GLOD4: variants seen among roughly 807,000 people sequenced by gnomAD.
The protein encoded by GLOD4 is glyoxalase domain containing 4.
GLOD4 carries 44 observed loss-of-function variants against 39.1 expected under a neutral mutation model. The observed-to-expected ratio is 1.13, with a 90% confidence interval of 0.88 to 1.45. The LOEUF is 1.45. Among genes scored for constraint, GLOD4 ranks in the 40% most tolerant of loss-of-function variants. The probability of loss-of-function intolerance (pLI) is 0.00; values close to 1 mark genes in which losing one functional copy is unlikely to be tolerated. For missense variants in GLOD4, 405 were observed against 366.4 expected (o/e 1.11, Z -0.86); for synonymous variants, 145 against 135.0 (o/e 1.07, Z -0.52).
chr17:762,154 G>A (rs1905571645), intron 8 of GLOD4, among the ~76,000 whole-genome samples: 1 of 152,186 alleles, frequency 6.6e-6, no homozygotes, highest in Non-Finnish European at 1.5e-5. Context: ...ACATTTCAGA[G>A]GTAGAACTCA....
In GLOD4 at chr17:770,514, T is replaced by G; in HGVS notation, c.544-7A>C. On this transcript the variant is annotated splice_region_variant and splice_polypyrimidine_tract_variant and intron_variant, in intron 5 of 8. Coordinates refer to ENST00000301329, the MANE Select transcript of GLOD4 (RefSeq NM_016080.4). ...CCTGTAGCTCCAGCTTACACTGAAA[T>G]AGGAAAGGGGGTTATTTTTTGGAAC... The G allele has an allele frequency of 7.1e-7, 1 of 1,409,512 alleles. No homozygotes were observed. Among genetic ancestry groups the G allele is most frequent in the South Asian group, 1.1e-5 (1 of 87,120 alleles). 87.3% of individuals were successfully genotyped at this position (1,409,512 alleles called of 1,614,324 possible). A position where few individuals can be genotyped will look rare whatever the true frequency, so the allele number is the denominator to read the frequency against.
intron 2 of GLOD4, 164 bp downstream of exon 2, chr17:778,531 A>T (rs1909328520): frequency 3.0e-6 from 2 of 656,446 alleles, no homozygotes; most frequent in African/African-American, 1.8e-5. Flanking sequence ...TACTCATGAG[A>T]GTGCAGAGAA....
At chr17:770,363 C>A (rs1907732108) in intron 6 of GLOD4, 58 bp downstream of exon 6, 1 of 908,114 alleles carries the variant, frequency 1.1e-6, no homozygotes, top group Admixed American at 1.7e-5. Context: ...GGACAAAGTT[C>A]TTAGCTGGGT....
chr17:764,431 G>T (rs543809012), intron 8 of GLOD4: 1 of 152,324 alleles, frequency 6.6e-6, no homozygotes, highest in South Asian at 2.1e-4. Context: ...GACAAACGAT[G>T]GTCCGATCAC....
intron 5 of GLOD4, 178 bp downstream of exon 5, chr17:771,147 G>T: frequency 2.1e-6 from 1 of 473,544 alleles, no homozygotes; most frequent in East Asian, 3.6e-5. Flanking sequence ...GTAATATCTG[G>T]GTGGTAAGGT....
At position 765,006 on chromosome 17, in the gene GLOD4, C is replaced by CA. The variant is rs1199807153; in HGVS notation, c.832-4769dup. The CA allele has an allele frequency of 3.9e-4, 56 of 144,312 alleles. 7 individuals are homozygous for CA. The East Asian group carries it at 7.8e-3, about 20-fold the overall frequency. 8.9% of individuals were successfully genotyped at this position (144,312 alleles called of 1,614,324 possible). A position where few individuals can be genotyped will look rare whatever the true frequency, so the allele number is the denominator to read the frequency against. Reference sequence around the variant, plus strand: ...TGGGTGACAGAGCGAGACTCCGTCTCAAAAAAAAACAAAAAACAAAAAACA... The same window carrying CA: ...TGGGTGACAGAGCGAGACTCCGTCTCAAAAAAAAAACAAAAAACAAAAAACA... On this transcript the variant is annotated intron_variant, in intron 8 of 8. Transcript: ENST00000301329.
intron 1 of GLOD4, among the ~76,000 whole-genome samples, chr17:780,893 T>C (rs1036363485): frequency 1.3e-5 from 2 of 151,688 alleles, no homozygotes; most frequent in African/African-American, 4.8e-5. Flanking sequence ...TGTTAAATAC[T>C]ATACATATAA....
At position 781,991 on chromosome 17, in the gene GLOD4, A is replaced by G. The variant is rs902959972; in HGVS notation, c.90+175T>C. On this transcript the variant is annotated intron_variant, in intron 1 of 8. Transcript: ENST00000301329. ...CGTGTTAGGCCCTTCTCCAAGGCCT[A>G]TGATCCCCAACGGCAACTCGCCACG... 12 of 593,020 alleles carry G rather than the reference A, an allele frequency of 2.0e-5. No homozygotes were observed. In the African/African-American group the frequency reaches 2.2e-4, roughly 11 times the overall value. 36.7% of individuals were successfully genotyped at this position (593,020 alleles called of 1,614,324 possible). A position where few individuals can be genotyped will look rare whatever the true frequency, so the allele number is the denominator to read the frequency against.
At position 771,346 on chromosome 17, in the gene GLOD4, C is replaced by T; in HGVS notation, c.522G>A (p.Leu174=). 6.2e-7 allele frequency: 1 copy of T among 1,603,284 alleles called. No homozygotes were observed. Among genetic ancestry groups the T allele is most frequent in the Non-Finnish European group, 8.5e-7 (1 of 1,173,756 alleles). ...YEKDEEKQRA[L]LGYADNQCKL... Reference sequence around the variant, plus strand: ...TCACCTGGTTATCAGCATAGCCCAGCAAAGCCCTTTGCTTTTCTTCATCTT... The same window carrying T: ...TCACCTGGTTATCAGCATAGCCCAGTAAAGCCCTTTGCTTTTCTTCATCTT... Residue 174 remains leucine, a synonymous_variant, in exon 5 of 9, where the codon TTG becomes TTA. Coordinates refer to ENST00000301329, the MANE Select transcript of GLOD4 (RefSeq NM_016080.4).
chr17:761,285 G>GTT (rs942848384), intron 8 of GLOD4, among the ~76,000 whole-genome samples: 2 of 152,118 alleles, frequency 1.3e-5, no homozygotes, highest in African/African-American at 2.4e-5. Flanking sequence ...AAACAGTGAA[G>GTT]GTGAAAGTGG....
chr17:778,777 T>C (rs1909377860), intron 1 of GLOD4, 33 bp from the exon 2 acceptor site: 5 of 1,331,856 alleles, frequency 3.8e-6, no homozygotes, highest in Admixed American at 1.7e-5. Context: ...TTGTGAAGTG[T>C]TGCTAGTACT....
rs73285725 is a variant in GLOD4, at chr17:777,072, A to G, written c.141-84T>C. 17,388 of 1,296,320 alleles carry G rather than the reference A, an allele frequency of 0.013. 1,599 individuals carry two copies. In the African/African-American group the frequency reaches 0.21, roughly 16 times the overall value. The allele number at this position is 1,296,320 out of a possible 1,614,324, so 80.3% of individuals were successfully genotyped here. A position where few individuals can be genotyped will look rare whatever the true frequency, so the allele number is the denominator to read the frequency against. On this transcript the variant is annotated intron_variant, in intron 2 of 8. Transcript: ENST00000301329. ...CCAGAGAACTACTGGGCACAGAGAG[A>G]TGAGCATTCCTGTCTGGTCCTAAAA...
rs751544414 is a variant in GLOD4 at position 782,265 on chromosome 17, C to A, written c.-10G>T. ...CTCTGCGAGCAGCCATGATTCCCGCCGCACGCAGCCGTCACGCGCACCGTA... is the reference window on the plus strand; with the variant it reads ...CTCTGCGAGCAGCCATGATTCCCGCAGCACGCAGCCGTCACGCGCACCGTA... On this transcript the variant is annotated 5_prime_UTR_variant, in exon 1 of 9. Coordinates refer to ENST00000301329, the MANE Select transcript of GLOD4 (RefSeq NM_016080.4). 1.5e-5 allele frequency: 25 copies of A among 1,613,176 alleles called. No homozygotes were observed. Among genetic ancestry groups the A allele is most frequent in the Non-Finnish European group, 2.1e-5 (25 of 1,179,470 alleles).
At chr17:775,449 G>T (rs1445223788) in intron 4 of GLOD4, among the ~76,000 whole-genome samples, 1 of 152,136 alleles carries the variant, frequency 6.6e-6, no homozygotes, top group East Asian at 1.9e-4. Flanking sequence ...ATCTAACCTT[G>T]AAATCTTTCC....
At chr17:769,158 C>T in intron 8 of GLOD4, among the ~76,000 whole-genome samples, 1 of 152,088 alleles carries the variant, frequency 6.6e-6, no homozygotes, top group East Asian at 1.9e-4. Context: ...GGAGGCATCT[C>T]CCTGGGGAGA....
intron 8 of GLOD4, among the ~76,000 whole-genome samples, chr17:767,473 TAGA>T (rs200122676): frequency 1.3e-5 from 2 of 151,910 alleles, no homozygotes; most frequent in African/African-American, 4.9e-5. Flanking sequence ...CTCAGATTTT[TAGA>T]AGAAGAAATC....
At chr17:776,009 CT>C in intron 3 of GLOD4, 90 bp from the exon 4 acceptor site, 1 of 972,950 alleles carries the variant, frequency 1.0e-6, no homozygotes, top group Non-Finnish European at 1.6e-6. Context: ...TGCCTACTGC[CT>C]TTAGGTAAAA....
chr17:777,345 C>T lies in GLOD4; in HGVS notation c.141-357G>A, dbSNP rs1299522155. On this transcript the variant is annotated intron_variant, in intron 2 of 8. Transcript: ENST00000301329. ...TGGACTGTTCCAACTTGTCACGGTA[C>T]TAAGCTTAAGAGATGGACGGGCGTG... is the stretch of plus-strand genomic sequence containing the variant. 4 of 213,762 alleles carry T rather than the reference C, an allele frequency of 1.9e-5. No homozygotes were observed. The Admixed American group carries it at 2.0e-4, about 11-fold the overall frequency. 13.2% of individuals were successfully genotyped at this position (213,762 alleles called of 1,614,324 possible).
upstream of GLOD4, among the ~76,000 whole-genome samples, chr17:784,179 TA>T (rs1910422921): frequency 2.0e-5 from 3 of 152,216 alleles, no homozygotes; most frequent in South Asian, 4.1e-4. Context: ...AAGTTTTTCA[TA>T]CGTTTTTGAC....
Sources: gnomAD v4.1 joint callset for allele counts (sites outside exome capture counted in the v4.1 genomes callset) on GRCh38, gnomAD v4.1.1 for gene constraint, MANE v1.5 for transcripts, NCBI Gene and HGNC (gene_info 2026-07-23, HGNC 2026-07-21) for gene names.